The following PDZD2 variants were observed in gnomAD, a reference collection of about 807,000 sequenced individuals.
PDZD2 encodes PDZ domain containing 2.
A neutral mutation model predicts 220.7 loss-of-function variants in PDZD2; 90 were observed. The observed-to-expected ratio is 0.41, with a 90% CI of 0.34 to 0.49. PDZD2 has a LOEUF of 0.49. Ranked by LOEUF, PDZD2 falls within the 20% of genes least tolerant of loss-of-function variation. PDZD2 has a pLI of 0.28. For synonymous variants in PDZD2, 1,375 were observed against 1,450.5 expected, an observed-to-expected ratio of 0.95 and a Z score of 1.18; for missense variants, 3,174 against 3,608.5, an observed-to-expected ratio of 0.88 and a Z score of 3.08.
At chr5:31,882,168 T>C (rs189723248) in intron 2 of PDZD2, among the ~76,000 whole-genome samples, 1 of 152,232 alleles carries the variant, frequency 6.6e-6, no homozygotes, top group Non-Finnish European at 1.5e-5. Context: ...CTAAGCCACA[T>C]GCATACATCG....
At chr5:31,704,873 A>G (rs1233012664) in intron 1 of PDZD2, among the ~76,000 whole-genome samples, 1 of 152,166 alleles carries the variant, frequency 6.6e-6, no homozygotes, top group Non-Finnish European at 1.5e-5. Flanking sequence ...GCAAATTACG[A>G]ATATTGGCTG....
chr5:32,105,893 T>C (rs1011061306), intron 24 of PDZD2, among the ~76,000 whole-genome samples: 5 of 152,216 alleles, frequency 3.3e-5, no homozygotes, highest in African/African-American at 1.2e-4. Flanking sequence ...CTCTCTTGTG[T>C]AAAAAGTCCA....
intron 2 of PDZD2, among the ~76,000 whole-genome samples, chr5:31,808,860 G>A (rs923363518): frequency 6.6e-6 from 1 of 151,948 alleles, no homozygotes; most frequent in Non-Finnish European, 1.5e-5. Context: ...CACACCTGTA[G>A]TTCCTGCTAC....
intron 1 of PDZD2, among the ~76,000 whole-genome samples, chr5:31,667,964 C>T (rs1396053738): frequency 1.4e-5 from 2 of 143,768 alleles, no homozygotes; most frequent in East Asian, 4.2e-4. Flanking sequence ...TGAGTTCAAG[C>T]GATTCTCCTG....
intron 6 of PDZD2, among the ~76,000 whole-genome samples, chr5:32,020,548 A>G (rs1754116656): frequency 6.6e-6 from 1 of 152,166 alleles, no homozygotes; most frequent in African/African-American, 2.4e-5. Context: ...ATGTTGCTGC[A>G]CTGTCAGAAT....
chr5:31,750,373 T>C (rs1372959365), intron 1 of PDZD2, among the ~76,000 whole-genome samples: 1 of 152,176 alleles, frequency 6.6e-6, no homozygotes, highest in South Asian at 2.1e-4. Flanking sequence ...ACAGATTAGC[T>C]CTTATTTCAG....
chr5:32,095,481 C>G (rs115919149), intron 21 of PDZD2, among the ~76,000 whole-genome samples: 3 of 152,180 alleles, frequency 2.0e-5, no homozygotes, highest in South Asian at 4.2e-4. Flanking sequence ...GTGAGAGATT[C>G]GAGGCTTCGA....
chr5:31,693,864 G>A (rs116871944), intron 1 of PDZD2, among the ~76,000 whole-genome samples: 3,097 of 152,248 alleles, frequency 0.02, 66 homozygotes, highest in South Asian at 0.075. Flanking sequence ...TTGCTTAAAT[G>A]CTGAATTTCA....
chr5:31,779,968 G>A (rs976329256), intron 1 of PDZD2, among the ~76,000 whole-genome samples: 25 of 152,222 alleles, frequency 1.6e-4, no homozygotes, highest in Middle Eastern at 3.4e-3. Flanking sequence ...TTGTGTCTTC[G>A]CTAGAGGATT....
Position 32,108,258 on chromosome 5 carries a change from G to A in PDZD2, c.*123G>A, listed in dbSNP as rs16889458. The A allele has an allele frequency of 0.05, 29,802 of 601,232 alleles. 1,544 individuals are homozygous for A. The highest frequency in any genetic ancestry group is 0.17 in the East Asian group (5,808 of 34,070). The allele number at this position is 601,232 out of a possible 1,614,324, so 37.2% of individuals were successfully genotyped here. A position where few individuals can be genotyped will look rare whatever the true frequency, so the allele number is the denominator to read the frequency against. Reference sequence around the variant, plus strand: ...AGACACGGACTATAAAAATCTCCAAGCTTGTGCTTACACATGAAGCCTGAC... The same window carrying A: ...AGACACGGACTATAAAAATCTCCAAACTTGTGCTTACACATGAAGCCTGAC... On this transcript the variant is annotated 3_prime_UTR_variant, in exon 25 of 25. Coordinates refer to ENST00000438447, the MANE Select transcript of PDZD2 (RefSeq NM_178140.4).
chr5:31,817,965 A>ATTTTTT lies in PDZD2; in HGVS notation c.476+18259_476+18264dup, dbSNP rs368621112. ...TGGCATGAGCCACTGCACCTGGCCA[A>ATTTTTT]TTTTTTTTTTTTTTTTTTTTTTTAG... On this transcript the variant is annotated intron_variant, in intron 2 of 24. Transcript: ENST00000438447. 3.8e-4 allele frequency among the ~76,000 whole-genome samples: 43 copies of ATTTTTT among 112,226 alleles called. 1 individual carries two copies. The highest frequency in any genetic ancestry group is 1.5e-3 in the African/African-American group (41 of 27,838). 73.6% of individuals were successfully genotyped at this position (112,226 alleles called of 152,430 possible). A position where few individuals can be genotyped will look rare whatever the true frequency, so the allele number is the denominator to read the frequency against.
intron 2 of PDZD2, among the ~76,000 whole-genome samples, chr5:31,966,096 G>C (rs1180708643): frequency 6.6e-6 from 1 of 152,166 alleles, no homozygotes; most frequent in Non-Finnish European, 1.5e-5. Flanking sequence ...TTGGGAATCA[G>C]ACAGAGGCAG....
At chr5:31,788,068 A>C (rs1322344508) in intron 1 of PDZD2, among the ~76,000 whole-genome samples, 1 of 152,134 alleles carries the variant, frequency 6.6e-6, no homozygotes, top group African/African-American at 2.4e-5. Context: ...CCATGTAGGC[A>C]GATACAAATT....
intron 1 of PDZD2, among the ~76,000 whole-genome samples, chr5:31,692,228 T>G (rs34092200): frequency 0.34 from 51,146 of 152,154 alleles, 8,978 homozygotes; most frequent in East Asian, 0.52. Flanking sequence ...AGCTTCTCAC[T>G]GCCCGGGGCC....
chr5:31,639,131 G>T lies in PDZD2; in HGVS notation c.-667G>T, dbSNP rs1051798379. Among the ~76,000 whole-genome samples the T allele has an allele frequency of 1.3e-5, 2 of 152,136 alleles. No homozygotes were observed. Among genetic ancestry groups the T allele is most frequent in the African/African-American group, 4.8e-5 (2 of 41,444 alleles). On this transcript the variant is annotated 5_prime_UTR_variant, in exon 1 of 25. Coordinates refer to ENST00000438447, the MANE Select transcript of PDZD2 (RefSeq NM_178140.4). This position sits in a 1 kb window ranked among gnomAD's most constrained non-coding sequence, Gnocchi z 4.1. ...GGGGAGGGAATCCCCGCCCATCCTG[G>T]AGGCTCGGCGGATCCCCTGCGCAGC...
chr5:31,949,062 C>A (rs1746930500), intron 2 of PDZD2, among the ~76,000 whole-genome samples: 1 of 144,020 alleles, frequency 6.9e-6, no homozygotes. Context: ...GGAGCCACTG[C>A]CCTTCTGCCT....
At chr5:31,963,053 T>C (rs929857353) in intron 2 of PDZD2, among the ~76,000 whole-genome samples, 5 of 152,124 alleles carry the variant, frequency 3.3e-5, no homozygotes, top group Non-Finnish European at 5.9e-5. Flanking sequence ...ATGAAGTGAG[T>C]TCCTAGTACT....
intron 2 of PDZD2, among the ~76,000 whole-genome samples, chr5:31,946,362 T>G (rs552277775): frequency 6.6e-6 from 1 of 152,346 alleles, no homozygotes; most frequent in Non-Finnish European, 1.5e-5. Flanking sequence ...TCTGTGTTCT[T>G]GGTTCCCAAA....
At chr5:31,695,681 G>A (rs1259498217) in intron 1 of PDZD2, among the ~76,000 whole-genome samples, 1 of 152,132 alleles carries the variant, frequency 6.6e-6, no homozygotes, top group African/African-American at 2.4e-5. Flanking sequence ...TTATTTACAG[G>A]GCGTCCTTCC....
Sources: allele counts gnomAD v4.1 joint callset (sites outside exome capture counted in the v4.1 genomes callset), GRCh38; gene constraint gnomAD v4.1.1; non-coding constraint Gnocchi (gnomAD v3.1); transcripts MANE v1.5; gene names NCBI Gene and HGNC (gene_info 2026-07-23, HGNC 2026-07-21).